The following MAP4K4 variants were observed in gnomAD, a reference collection of about 807,000 sequenced individuals.
MAP4K4 encodes the protein HPK/GCK-like kinase HGK.
A neutral mutation model predicts 189.6 loss-of-function variants in MAP4K4; 38 were observed. That is an observed-to-expected ratio of 0.20 (90% CI 0.15 to 0.26). The LOEUF (loss-of-function observed/expected upper bound fraction) is 0.26. Ranked by LOEUF, MAP4K4 falls within the 10% of genes least tolerant of loss-of-function variation. The probability of loss-of-function intolerance (pLI) is 1.00; values close to 1 mark genes in which losing one functional copy is unlikely to be tolerated. For missense variants in MAP4K4, 1,054 were observed against 1,726.9 expected (o/e 0.61, Z 6.91); for synonymous variants, 610 against 624.3 (o/e 0.98, Z 0.34).
intron 30 of MAP4K4, 128 bp from the exon 31 acceptor site, chr2:101,887,650 A>C (rs2098507051): frequency 3.0e-6 from 2 of 656,260 alleles, no homozygotes; most frequent in Non-Finnish European, 5.1e-6. Flanking sequence ...CTAAAATGTT[A>C]ATCTAATTGC....
chr2:101,814,295 T>C (rs1005923584), intron 3 of MAP4K4, among the ~76,000 whole-genome samples: 2 of 152,240 alleles, frequency 1.3e-5, no homozygotes, highest in Non-Finnish European at 2.9e-5. Flanking sequence ...ACCTTGATTC[T>C]ATTTTCTATT....
At chr2:101,842,934 C>T (rs2096964405) in intron 11 of MAP4K4, among the ~76,000 whole-genome samples, 1 of 152,128 alleles carries the variant, frequency 6.6e-6, no homozygotes, top group Non-Finnish European at 1.5e-5. Flanking sequence ...ATGTGTGGGC[C>T]TGGGCAGGGG....
At chr2:101,759,544 C>CCCCTCCCCATTCCCCTA (rs2074945605) in intron 2 of MAP4K4, among the ~76,000 whole-genome samples, 1 of 36,566 alleles carries the variant, frequency 2.7e-5, no homozygotes, top group African/African-American at 1.5e-4. Context: ...CCATTCCACT[C>CCCCTCCCCATTCCCCTA]CCCTCCCCTC....
intron 2 of MAP4K4, among the ~76,000 whole-genome samples, chr2:101,724,877 G>A (rs182273825): frequency 9.5e-4 from 145 of 152,222 alleles, no homozygotes; most frequent in African/African-American, 3.4e-3. Flanking sequence ...CCTAAATGAT[G>A]GTGGTCCTAT....
At chr2:101,794,087 A>G (rs2093358552) in intron 3 of MAP4K4, among the ~76,000 whole-genome samples, 1 of 152,178 alleles carries the variant, frequency 6.6e-6, no homozygotes, top group South Asian at 2.1e-4. Flanking sequence ...TAGGGAAAGC[A>G]TGTCTTTTAT....
chr2:101,880,601 C>T (rs187002891), intron 27 of MAP4K4, among the ~76,000 whole-genome samples: 53 of 151,796 alleles, frequency 3.5e-4, no homozygotes, highest in African/African-American at 1.2e-3. Context: ...CTCTGCCTTC[C>T]GGGTTCAAGC....
intron 10 of MAP4K4, among the ~76,000 whole-genome samples, chr2:101,842,215 G>C (rs2096939629): frequency 6.6e-6 from 1 of 152,284 alleles, no homozygotes; most frequent in Admixed American, 6.5e-5. Flanking sequence ...TCTCTTGGTT[G>C]CCTTAGTTTC....
chr2:101,752,877 C>T (rs1421990325), intron 2 of MAP4K4, among the ~76,000 whole-genome samples: 1 of 152,148 alleles, frequency 6.6e-6, no homozygotes, highest in African/African-American at 2.4e-5. Flanking sequence ...CTCAGGAGAC[C>T]TGTTTCTGTT....
chr2:101,731,516 T>C (rs921852039), intron 2 of MAP4K4, among the ~76,000 whole-genome samples: 3 of 152,156 alleles, frequency 2.0e-5, no homozygotes, highest in Non-Finnish European at 2.9e-5. Context: ...CCAAGCACTT[T>C]GGGAGGCCAA....
At chr2:101,864,364 G>C (rs1362516585) in intron 17 of MAP4K4, among the ~76,000 whole-genome samples, 1 of 152,150 alleles carries the variant, frequency 6.6e-6, no homozygotes, top group Non-Finnish European at 1.5e-5. Context: ...TTATACAGAA[G>C]CTATGCAGTT....
chr2:101,863,648 A>C (rs545246912), intron 16 of MAP4K4, among the ~76,000 whole-genome samples, 173 bp from the exon 17 acceptor site: 1 of 152,368 alleles, frequency 6.6e-6, no homozygotes, highest in South Asian at 2.1e-4. Context: ...CTGTGTTCCC[A>C]GACCACTTCT....
chr2:101,697,989 A>T, exon 1 of MAP4K4: 1 of 847,670 alleles, frequency 1.2e-6, no homozygotes, highest in South Asian at 2.0e-5. Context: ...CTGCCGCGCG[A>T]GGAGCGCGGT....
intron 3 of MAP4K4, among the ~76,000 whole-genome samples, chr2:101,814,337 T>G (rs922241839): frequency 6.6e-6 from 1 of 152,234 alleles, no homozygotes; most frequent in Non-Finnish European, 1.5e-5. Context: ...ATTCATGGTC[T>G]TTTTGAGTAA....
At chr2:101,779,114 A>T (rs569210651) in intron 2 of MAP4K4, among the ~76,000 whole-genome samples, 2 of 152,176 alleles carry the variant, frequency 1.3e-5, no homozygotes, top group Admixed American at 1.3e-4. Context: ...TTTATTAAAT[A>T]TATTTGTTGA....
At chr2:101,857,187 A>G (rs1448170643) in intron 13 of MAP4K4, among the ~76,000 whole-genome samples, 1 of 152,146 alleles carries the variant, frequency 6.6e-6, no homozygotes, top group Non-Finnish European at 1.5e-5. Flanking sequence ...TTCATCTTTA[A>G]TGCTCTAGTG....
intron 12 of MAP4K4, among the ~76,000 whole-genome samples, chr2:101,844,673 T>G (rs2097034276): frequency 6.6e-6 from 1 of 152,248 alleles, no homozygotes; most frequent in African/African-American, 2.4e-5. Flanking sequence ...CTGATTGCTT[T>G]TCTACTCTCA....
At chr2:101,811,283 A>G (rs1262691603) in intron 3 of MAP4K4, among the ~76,000 whole-genome samples, 2 of 145,428 alleles carry the variant, frequency 1.4e-5, no homozygotes, top group Non-Finnish European at 3.0e-5. Flanking sequence ...AGGCAGGAGA[A>G]TCACTTGAGC....
exon 7 of MAP4K4, chr2:101,831,755 T>A: frequency 6.2e-7 from 1 of 1,604,960 alleles, no homozygotes; most frequent in Non-Finnish European, 8.5e-7. Context: ...TGGACAGGAC[T>A]GTGGGGCGGA....
At position 101,868,017 on chromosome 2, in the gene MAP4K4, G is replaced by C; in HGVS notation, c.2455-12G>C. The stretch of plus-strand genomic sequence containing the variant: ...GGCTTCTCGGACTCCACGAAACTGC[G>C]CTGTACTGAAGGGCGAAGTGGTAAG... On this transcript the variant is annotated splice_polypyrimidine_tract_variant and intron_variant, in intron 20 of 32. Transcript: ENST00000324219. 3 of 1,613,194 alleles carry C rather than the reference G, an allele frequency of 1.9e-6. No homozygotes were observed.
Sources: allele counts gnomAD v4.1 joint callset (sites outside exome capture counted in the v4.1 genomes callset), GRCh38; gene constraint gnomAD v4.1.1; transcripts MANE v1.5; gene names NCBI Gene and HGNC (gene_info 2026-07-23, HGNC 2026-07-21).